Variants in SULT1E1 observed in about 807,000 individuals in gnomAD.
SULT1E1 encodes the protein sulfotransferase 1E1.
SULT1E1 carries 36 observed loss-of-function variants against 33.6 expected under a neutral mutation model. The observed-to-expected ratio is 1.07, with a 90% CI of 0.82 to 1.41. The LOEUF (loss-of-function observed/expected upper bound fraction) is 1.41. Among genes scored for constraint, SULT1E1 ranks in the 40% most tolerant of loss-of-function variants. The probability of loss-of-function intolerance (pLI) is 0.00; values close to 1 mark genes in which losing one functional copy is unlikely to be tolerated. For missense variants in SULT1E1, 371 were observed against 345.7 expected (o/e 1.07, Z -0.58); for synonymous variants, 121 against 111.7 (o/e 1.08, Z -0.53).
the SULT1E1 span, among the ~76,000 whole-genome samples, chr4:69,827,904 A>G: frequency 6.6e-6 from 1 of 152,156 alleles, no homozygotes; most frequent in Non-Finnish European, 1.5e-5. Context: ...CCAATGAGAA[A>G]CAAGCCACCC....
chr4:69,855,844 C>T (rs938472854), intron 2 of SULT1E1, among the ~76,000 whole-genome samples: 2 of 152,152 alleles, frequency 1.3e-5, no homozygotes, highest in Admixed American at 1.3e-4. Flanking sequence ...AATCTGGTTC[C>T]TGTCCTTAGG....
chr4:69,832,277 C>T, the SULT1E1 span, among the ~76,000 whole-genome samples: 1 of 152,196 alleles, frequency 6.6e-6, no homozygotes, highest in Non-Finnish European at 1.5e-5. Flanking sequence ...CAGTGGCATG[C>T]TTGGGGTAAC....
At chr4:69,830,158 C>G in the SULT1E1 span, among the ~76,000 whole-genome samples, 9 of 152,236 alleles carry the variant, frequency 5.9e-5, no homozygotes, top group African/African-American at 2.2e-4. Context: ...CTCTTCCACA[C>G]CCATGTTTGT....
At chr4:69,844,731 G>T (rs991077851) in intron 6 of SULT1E1, among the ~76,000 whole-genome samples, 1 of 151,960 alleles carries the variant, frequency 6.6e-6, no homozygotes, top group African/African-American at 2.4e-5. Flanking sequence ...CTAATTTATT[G>T]GTGTAATTAG....
the SULT1E1 span, among the ~76,000 whole-genome samples, chr4:69,829,654 C>A: frequency 6.6e-6 from 1 of 152,120 alleles, no homozygotes; most frequent in African/African-American, 2.4e-5. Context: ...AGGTCTCCTC[C>A]CAGCAAAGGA....
intron 4 of SULT1E1, among the ~76,000 whole-genome samples, chr4:69,851,236 T>G (rs1361575334): frequency 1.3e-5 from 2 of 151,910 alleles, no homozygotes; most frequent in Admixed American, 6.6e-5. Context: ...CTGACAAAGG[T>G]CTAATATCCA....
chr4:69,856,119 A>G (rs1309898871), intron 2 of SULT1E1, among the ~76,000 whole-genome samples: 2 of 152,200 alleles, frequency 1.3e-5, no homozygotes, highest in Non-Finnish European at 2.9e-5. Flanking sequence ...CAGTTCTACC[A>G]GGCAGAAGCC....
chr4:69,857,854 A>G (rs1048905271), intron 1 of SULT1E1, among the ~76,000 whole-genome samples: 13 of 152,314 alleles, frequency 8.5e-5, no homozygotes, highest in Non-Finnish European at 8.8e-5. Flanking sequence ...TGTCTAACAC[A>G]TAAAAGAATA....
the SULT1E1 span, among the ~76,000 whole-genome samples, chr4:69,830,016 T>A: frequency 2.0e-5 from 3 of 152,196 alleles, no homozygotes; most frequent in Non-Finnish European, 4.4e-5. Flanking sequence ...GGCCTTCCCA[T>A]ACGATGGCCC....
chr4:69,844,360 T>C lies in SULT1E1; in HGVS notation c.592-19A>G. 6.3e-7 allele frequency: 1 copy of C among 1,576,970 alleles called. No individual in the cohort carries two copies. Among genetic ancestry groups the C allele is most frequent in the South Asian group, 1.2e-5 (1 of 85,758 alleles). ...TGATATCCTAGGGAGAGAAAATGTT[T>C]TGAGAACTAAATTGCTAAAACTGAA... On this transcript the variant is annotated intron_variant, in intron 6 of 7. Transcript: ENST00000226444.
At chr4:69,845,391 T>A (rs978821920) in intron 6 of SULT1E1, among the ~76,000 whole-genome samples, 2 of 151,758 alleles carry the variant, frequency 1.3e-5, no homozygotes, top group African/African-American at 2.4e-5. Context: ...TATAAAAATA[T>A]GTCATGTACC....
chr4:69,841,860 TAAAC>T lies in SULT1E1; in HGVS notation c.*130_*133del. 1.9e-6 allele frequency: 1 copy of T among 513,772 alleles called. No individual in the cohort carries two copies. The highest frequency in any genetic ancestry group is 3.2e-6 in the Non-Finnish European group (1 of 307,976). 31.8% of individuals were successfully genotyped at this position (513,772 alleles called of 1,614,324 possible). On this transcript the variant is annotated 3_prime_UTR_variant, in exon 8 of 8. Coordinates refer to ENST00000226444, the MANE Select transcript of SULT1E1 (RefSeq NM_005420.3). ...TGTCTCAAAAAAAAAAAAAAAAAGT[TAAAC>T]AAAAATTTAAAAAGAAAATGTCAAC... is the stretch of plus-strand genomic sequence containing the variant.
At chr4:69,852,793 G>C (rs773040584) in intron 4 of SULT1E1, among the ~76,000 whole-genome samples, 1 of 152,082 alleles carries the variant, frequency 6.6e-6, no homozygotes, top group Non-Finnish European at 1.5e-5. Context: ...TGAAAAATAA[G>C]CAGCTTTGTG....
Position 69,847,739 on chromosome 4 carries a change from T to G in SULT1E1, c.550A>C (p.Ser184Arg). 6.2e-7 allele frequency: 1 copy of G among 1,610,040 alleles called. No individual in the cohort carries two copies. The highest frequency in any genetic ancestry group is 8.5e-7 in the Non-Finnish European group (1 of 1,177,272). Residue 184 changes from serine to arginine, a missense_variant, in exon 6 of 8, where the codon AGT becomes CGT. Physicochemically the swap from Ser to Arg is moderately radical, Grantham distance 110. Transcript: ENST00000226444. ...TAGAAAAGAAATAGTACACGTGGACTCTTTCCCTTTTCCCACCAAGATTTT... is the reference window on the plus strand; with the variant it reads ...TAGAAAAGAAATAGTACACGTGGACGCTTTCCCTTTTCCCACCAAGATTTT... ...HVKSWWEKGK[S>R]PRVLFLFYED... is the part of the protein sequence containing the mutation.
In SULT1E1 at chr4:69,857,601, T is replaced by C. The variant is rs1291656655; in HGVS notation, c.44A>G (p.His15Arg). 2 of 1,611,370 alleles carry C rather than the reference T, an allele frequency of 1.2e-6. No individual in the cohort carries two copies. Among genetic ancestry groups the C allele is most frequent in the Non-Finnish European group, 1.7e-6 (2 of 1,179,244 alleles). The change falls in exon 2 of 8, where the codon CAT becomes CGT. Residue 15 changes from histidine to arginine, a missense_variant. His to Arg is a conservative substitution (Grantham distance 29). Transcript: ENST00000226444. ...LDYYEKFEEV[H>R]GILMYKDFVK... is the part of the protein sequence containing the mutation. ...AAAATCTTTATACATTAGAATCCCA[T>C]GGACTTCTTCAAACTTTTCATAATA...
chr4:69,856,719 G>A (rs934425255), intron 2 of SULT1E1, among the ~76,000 whole-genome samples: 3 of 152,006 alleles, frequency 2.0e-5, no homozygotes, highest in African/African-American at 7.2e-5. Flanking sequence ...TGGATCACGA[G>A]GTCAGGAGAT....
the SULT1E1 span, among the ~76,000 whole-genome samples, chr4:69,821,302 A>G: frequency 6.6e-6 from 1 of 152,316 alleles, no homozygotes; most frequent in South Asian, 2.1e-4. Flanking sequence ...ACCCAATTTC[A>G]TATCTTATGA....
downstream of SULT1E1, among the ~76,000 whole-genome samples, chr4:69,837,909 C>T (rs890972872): frequency 6.6e-6 from 1 of 152,184 alleles, no homozygotes; most frequent in Non-Finnish European, 1.5e-5. Context: ...TCACTGAAGT[C>T]ATCTAGGCTT....
At chr4:69,834,500 T>G in the SULT1E1 span, among the ~76,000 whole-genome samples, 1 of 152,200 alleles carries the variant, frequency 6.6e-6, no homozygotes, top group African/African-American at 2.4e-5. Flanking sequence ...TATTCAGTGT[T>G]CATCTCAAGC....
Sources: allele counts gnomAD v4.1 joint callset (sites outside exome capture counted in the v4.1 genomes callset), GRCh38; gene constraint gnomAD v4.1.1; transcripts MANE v1.5; gene names NCBI Gene and HGNC (gene_info 2026-07-23, HGNC 2026-07-21).